Variants in ZNF469 observed in about 807,000 individuals in gnomAD.
ZNF469 encodes the protein zinc finger protein 469.
In ZNF469, 1 loss-of-function variant was observed where a neutral mutation model predicts 1.0. The ratio of observed to expected loss-of-function variants is 1.00; its 90% CI spans 0.35 to 4.73. The LOEUF (loss-of-function observed/expected upper bound fraction) is 4.73, where lower values mean the gene tolerates loss of function less well. Ranked by LOEUF, ZNF469 falls within the 30% of genes most tolerant of loss-of-function variation. The probability of loss-of-function intolerance (pLI) is 0.16; values close to 1 mark genes in which losing one functional copy is unlikely to be tolerated. For missense variants in ZNF469, 6,100 were observed against 5,356.3 expected, an observed-to-expected ratio of 1.14 and a Z score of -4.33; for synonymous variants, 2,703 against 2,363.4, an observed-to-expected ratio of 1.14 and a Z score of -4.17.
At chr16:88,371,353 A>G in the ZNF469 span, among the ~76,000 whole-genome samples, 3 of 152,254 alleles carry the variant, frequency 2.0e-5, no homozygotes. Flanking sequence ...ACAGCCATAT[A>G]CATGAGCAAT....
At chr16:88,114,429 C>A in the ZNF469 span, among the ~76,000 whole-genome samples, 132 of 147,298 alleles carry the variant, frequency 9.0e-4, no homozygotes, top group African/African-American at 3.3e-3. Flanking sequence ...ACACTCACTG[C>A]GGGGGTCTCC....
chr16:88,224,166 A>G, the ZNF469 span, among the ~76,000 whole-genome samples: 1 of 152,212 alleles, frequency 6.6e-6, no homozygotes, highest in Non-Finnish European at 1.5e-5. Context: ...AGGGAGCTGG[A>G]AGGAAAAGAA....
the ZNF469 span, among the ~76,000 whole-genome samples, chr16:88,292,560 C>G: frequency 6.6e-6 from 1 of 151,682 alleles, no homozygotes; most frequent in Non-Finnish European, 1.5e-5. Context: ...GGTCAGAAAA[C>G]GGGTTGAGTG....
In ZNF469 at chr16:88,434,090, A is replaced by G. The variant is rs1183421413; in HGVS notation, c.6620A>G (p.Lys2207Arg). 13 of 1,550,348 alleles carry G rather than the reference A, an allele frequency of 8.4e-6. No individual in the cohort carries two copies. The highest frequency in any genetic ancestry group is 1.1e-5 in the Non-Finnish European group (13 of 1,146,930). Residue 2207 changes from lysine to arginine, a missense_variant, in exon 3 of 3, where the codon AAG becomes AGG. Physicochemically the swap from Lys to Arg is conservative, Grantham distance 26. Coordinates refer to ENST00000565624, the MANE Select transcript of ZNF469 (RefSeq NM_001367624.2). ...PSLTTSPCDP[K>R]EALAGCLLQG... ...TTGACAACAAGCCCCTGCGATCCCA[A>G]GGAAGCCCTGGCTGGTTGCCTTCTC...
At chr16:88,276,726 C>T in the ZNF469 span, among the ~76,000 whole-genome samples, 3 of 152,202 alleles carry the variant, frequency 2.0e-5, no homozygotes, top group Non-Finnish European at 2.9e-5. Flanking sequence ...TGCTGCACCA[C>T]GCTGACACTC....
the ZNF469 span, among the ~76,000 whole-genome samples, chr16:88,210,229 T>C: frequency 1.3e-5 from 2 of 152,106 alleles, no homozygotes; most frequent in Non-Finnish European, 2.9e-5. Context: ...TTCATTTTCC[T>C]ATTGGGTCTT....
chr16:88,111,062 C>T, the ZNF469 span, among the ~76,000 whole-genome samples: 1 of 152,236 alleles, frequency 6.6e-6, no homozygotes, highest in Non-Finnish European at 1.5e-5. Context: ...TTTTCTTCAG[C>T]CCCCAGGCAC....
chr16:88,180,719 A>C, the ZNF469 span, among the ~76,000 whole-genome samples: 2 of 151,902 alleles, frequency 1.3e-5, no homozygotes, highest in East Asian at 3.9e-4. Context: ...AGTTGCAGTG[A>C]GCCAACGTGG....
At chr16:88,298,324 C>T in the ZNF469 span, among the ~76,000 whole-genome samples, 1 of 152,166 alleles carries the variant, frequency 6.6e-6, no homozygotes, top group Non-Finnish European at 1.5e-5. Context: ...CTGGGGGCTC[C>T]TTCTGCCTCG....
chr16:88,168,056 G>C, the ZNF469 span, among the ~76,000 whole-genome samples: 1 of 152,186 alleles, frequency 6.6e-6, no homozygotes, highest in East Asian at 1.9e-4. The surrounding 1 kb of genome is among the most constrained non-coding windows in gnomAD (Gnocchi z 4.3). Flanking sequence ...AGGGAGACGT[G>C]AGCCATGTGT....
chr16:88,212,326 C>T, the ZNF469 span, among the ~76,000 whole-genome samples: 2 of 152,198 alleles, frequency 1.3e-5, no homozygotes, highest in Admixed American at 6.5e-5. Flanking sequence ...TTTTTCTTTT[C>T]CATGACTTCA....
chr16:88,158,569 C>T, the ZNF469 span, among the ~76,000 whole-genome samples: 1 of 152,120 alleles, frequency 6.6e-6, no homozygotes, highest in Non-Finnish European at 1.5e-5. Flanking sequence ...GTCCCGGCAG[C>T]CTCTTGGTCA....
rs535400159 is a variant in ZNF469, at chr16:88,435,045, G to T, written c.7575G>T (p.Pro2525=). 4.1e-5 allele frequency: 64 copies of T among 1,550,376 alleles called. No homozygotes were observed. In the East Asian group the frequency reaches 1.4e-3, roughly 34 times the overall value. Residue 2525 remains proline (P), a synonymous_variant, in exon 3 of 3, where the codon CCG becomes CCT. Coordinates refer to ENST00000565624, the MANE Select transcript of ZNF469 (RefSeq NM_001367624.2). ...AGCCCCTAGCCCAAAAGTGCCAGCCGCCCAGGAAGAAAAGCCACAGGGTGT... is the reference window on the plus strand; with the variant it reads ...AGCCCCTAGCCCAAAAGTGCCAGCCTCCCAGGAAGAAAAGCCACAGGGTGT... ...PLEPLAQKCQ[P]PRKKSHRVSG... is the part of the protein sequence containing the mutation.
chr16:88,239,904 C>G, the ZNF469 span, among the ~76,000 whole-genome samples: 2 of 146,630 alleles, frequency 1.4e-5, no homozygotes, highest in Admixed American at 6.9e-5. Flanking sequence ...CTTGCATGCC[C>G]AGAAATTTAC....
Position 88,433,065 on chromosome 16 carries a change from G to C in ZNF469, c.5595G>C (p.Leu1865=). The C allele has an allele frequency of 6.5e-7, 1 of 1,550,264 alleles. No individual in the cohort carries two copies. Among genetic ancestry groups the C allele is most frequent in the East Asian group, 2.4e-5 (1 of 40,906 alleles). ...TTGCACCGGCGGGGGCCTCCTCACT[G>C]ACTGCCCCCCGGGGCAGGGAGGCTT... is the stretch of plus-strand genomic sequence containing the variant. ...NEFAPAGASS[L]TAPRGREAWL... is the part of the protein sequence containing the mutation. Residue 1865 remains leucine, a synonymous_variant, in exon 3 of 3, where the codon CTG becomes CTC. Coordinates refer to ENST00000565624, the MANE Select transcript of ZNF469 (RefSeq NM_001367624.2).
intron 1 of ZNF469, among the ~76,000 whole-genome samples, chr16:88,397,631 G>GA (rs1177074724): frequency 0.015 from 2,030 of 139,316 alleles, 33 homozygotes; most frequent in African/African-American, 0.038. Context: ...GTGGATGGAT[G>GA]GATGGATGGA....
At chr16:88,131,728 G>T in the ZNF469 span, among the ~76,000 whole-genome samples, 38 of 152,366 alleles carry the variant, frequency 2.5e-4, no homozygotes, top group Middle Eastern at 3.4e-3. Flanking sequence ...GCCACACGGC[G>T]TCCACTGCAT....
the ZNF469 span, among the ~76,000 whole-genome samples, chr16:88,239,965 G>A: frequency 2.0e-5 from 3 of 149,010 alleles, no homozygotes; most frequent in Non-Finnish European, 4.5e-5. Context: ...CAATCTGATG[G>A]TGGAAAAGCT....
chr16:88,203,567 G>T, the ZNF469 span, among the ~76,000 whole-genome samples: 4 of 152,182 alleles, frequency 2.6e-5, no homozygotes, highest in Non-Finnish European at 5.9e-5. Flanking sequence ...TCTCAGCCTG[G>T]AGACCAAAAT....
Sources: gnomAD v4.1 joint callset for allele counts (sites outside exome capture counted in the v4.1 genomes callset) on GRCh38, gnomAD v4.1.1 for gene constraint, Gnocchi (gnomAD v3.1) non-coding constraint, MANE v1.5 for transcripts, NCBI Gene and HGNC (gene_info 2026-07-23, HGNC 2026-07-21) for gene names.